The following ACSS1 variants were observed in gnomAD, a reference collection of about 807,000 sequenced individuals.
The protein encoded by ACSS1 is acetyl-coenzyme A synthetase 2-like, mitochondrial.
Under a neutral mutation model 75.3 loss-of-function variants are expected in ACSS1, and 42 were observed. The ratio of observed to expected loss-of-function variants is 0.56; its 90% confidence interval spans 0.44 to 0.72. The LOEUF is 0.72. Among genes scored for constraint, ACSS1 ranks in the 30% least tolerant of loss-of-function variants. The pLI, the probability that ACSS1 is intolerant of heterozygous loss-of-function variation, is 0.00. For synonymous variants in ACSS1, 380 were observed against 376.8 expected, an observed-to-expected ratio of 1.01 and a Z score of -0.10; for missense variants, 782 against 935.7, an observed-to-expected ratio of 0.84 and a Z score of 2.14.
At chr20:25,038,867 T>C (rs1329219711) in intron 2 of ACSS1, among the ~76,000 whole-genome samples, 2 of 152,190 alleles carry the variant, frequency 1.3e-5, no homozygotes, top group Non-Finnish European at 2.9e-5. Flanking sequence ...CATGTCGTCC[T>C]GTCACTGCCC....
At chr20:25,011,965 GA>G (rs1407803236) in intron 12 of ACSS1, 2 of 155,760 alleles carry the variant, frequency 1.3e-5, no homozygotes, top group Non-Finnish European at 2.9e-5. Context: ...TGCCTGGATG[GA>G]CCTGGCATTG....
intron 1 of ACSS1, among the ~76,000 whole-genome samples, chr20:25,054,337 A>G (rs552587049): frequency 6.6e-6 from 1 of 152,370 alleles, no homozygotes; most frequent in Non-Finnish European, 1.5e-5. Flanking sequence ...ACAAGGTCAC[A>G]GCCTCCCCAC....
chr20:25,031,145 A>G (rs1268559366), intron 2 of ACSS1, 187 bp from the exon 3 acceptor site: 2 of 706,530 alleles, frequency 2.8e-6, no homozygotes, highest in East Asian at 2.7e-5. Flanking sequence ...TAACATTTGT[A>G]GATTGCTATT....
intron 6 of ACSS1, 53 bp downstream of exon 6, chr20:25,021,336 G>A (rs760870246): frequency 2.3e-5 from 36 of 1,592,508 alleles, no homozygotes; most frequent in Non-Finnish European, 3.0e-5. Flanking sequence ...CGAGCCTCAG[G>A]CTCTCTCCCC....
chr20:25,025,787 G>A (rs781758576), intron 3 of ACSS1, among the ~76,000 whole-genome samples: 10 of 152,266 alleles, frequency 6.6e-5, no homozygotes, highest in South Asian at 2.1e-4. Flanking sequence ...CAGCAACGGC[G>A]GGTAAAGTTG....
intron 2 of ACSS1, among the ~76,000 whole-genome samples, chr20:25,041,108 A>C (rs2088994748): frequency 6.6e-6 from 1 of 152,040 alleles, no homozygotes; most frequent in Non-Finnish European, 1.5e-5. Flanking sequence ...AATACAAAAA[A>C]TTAGCCGGGC....
chr20:25,053,816 TG>T (rs1183691162), intron 1 of ACSS1, among the ~76,000 whole-genome samples: 2 of 152,250 alleles, frequency 1.3e-5, no homozygotes, highest in African/African-American at 4.8e-5. Context: ...TTTACACTCT[TG>T]CTTAAGAGTA....
chr20:25,020,863 A>G (rs2088611870), intron 6 of ACSS1, among the ~76,000 whole-genome samples: 1 of 152,266 alleles, frequency 6.6e-6, no homozygotes, highest in Non-Finnish European at 1.5e-5. Flanking sequence ...TACATTAAAG[A>G]AAATATTTGA....
intron 6 of ACSS1, among the ~76,000 whole-genome samples, chr20:25,021,181 C>T (rs1377473572): frequency 6.6e-6 from 1 of 152,234 alleles, no homozygotes; most frequent in Non-Finnish European, 1.5e-5. Flanking sequence ...CCTCCAGCAC[C>T]AAGTCAGACT....
Position 25,007,525 on chromosome 20 carries a change from T to C in ACSS1, c.*237A>G, listed in dbSNP as rs970458950. The C allele has an allele frequency of 2.3e-6, 3 of 1,328,570 alleles. No individual in the cohort carries two copies. Among genetic ancestry groups the C allele is most frequent in the Non-Finnish European group, 2.9e-6 (3 of 1,039,964 alleles). The allele number at this position is 1,328,570 out of a possible 1,614,324, so 82.3% of individuals were successfully genotyped here. A position where few individuals can be genotyped will look rare whatever the true frequency, so the allele number is the denominator to read the frequency against. On this transcript the variant is annotated 3_prime_UTR_variant, in exon 14 of 14. Transcript: ENST00000323482. ...TTCATTCCAGGAAACCAAACTCAGA[T>C]GGCAGAACCAGCCCTAGCCATGTCG...
rs41308619 is a variant in ACSS1, at chr20:25,023,069, A to C, written c.831T>G (p.Val277=). Residue 277 remains valine, a synonymous_variant, in exon 5 of 14, where the codon GTT becomes GTG. Transcript: ENST00000323482. ...CACTGCCCATGCTCTCTGGGGCGCAAACAGGGTCCTCCTTGGCCATTTCCT... is the reference window on the plus strand; with the variant it reads ...CACTGCCCATGCTCTCTGGGGCGCACACAGGGTCCTCCTTGGCCATTTCCT... ...LEQEMAKEDP[V]CAPESMGSED... is the part of the protein sequence containing the mutation. The C allele has an allele frequency of 0.024, 39,025 of 1,613,444 alleles. 728 individuals are homozygous for C. The highest frequency in any genetic ancestry group is 0.088 in the African/African-American group (6,589 of 75,042).
Position 25,007,180 on chromosome 20 carries a change from A to G in ACSS1, c.*582T>C, listed in dbSNP as rs2088323608. ...ATCTCCAATTCAGACTTCCAAATACACTAACAATAATTAAAAATGTGGCCT... is the reference window on the plus strand; with the variant it reads ...ATCTCCAATTCAGACTTCCAAATACGCTAACAATAATTAAAAATGTGGCCT... On this transcript the variant is annotated 3_prime_UTR_variant, in exon 14 of 14. Coordinates refer to ENST00000323482, the MANE Select transcript of ACSS1 (RefSeq NM_032501.4). 11 of 1,266,070 alleles carry G rather than the reference A, an allele frequency of 8.7e-6. No individual in the cohort carries two copies. The highest frequency in any genetic ancestry group is 1.1e-5 in the Non-Finnish European group (11 of 1,003,282). The allele number at this position is 1,266,070 out of a possible 1,614,324, so 78.4% of individuals were successfully genotyped here. A position where few individuals can be genotyped will look rare whatever the true frequency, so the allele number is the denominator to read the frequency against.
intron 1 of ACSS1, among the ~76,000 whole-genome samples, chr20:25,050,028 C>T (rs751436757): frequency 2.6e-5 from 4 of 151,944 alleles, no homozygotes; most frequent in African/African-American, 7.3e-5. Flanking sequence ...TTCAGGCAGG[C>T]GACAGGAACA....
At position 25,006,998 on chromosome 20, in the gene ACSS1, T is replaced by C; in HGVS notation, c.*764A>G. On this transcript the variant is annotated 3_prime_UTR_variant, in exon 14 of 14. Transcript: ENST00000323482. ...GATCACAGCTTGAAGAAACAGAACATAACTGGAGTAGCTTCAGAACTAAGG... is the reference window on the plus strand; with the variant it reads ...GATCACAGCTTGAAGAAACAGAACACAACTGGAGTAGCTTCAGAACTAAGG... 3 of 1,532,712 alleles carry C rather than the reference T, an allele frequency of 2.0e-6. No homozygotes were observed. The highest frequency in any genetic ancestry group is 1.2e-5 in the South Asian group (1 of 83,704). The allele number at this position is 1,532,712 out of a possible 1,614,324, so 94.9% of individuals were successfully genotyped here.
intron 7 of ACSS1, among the ~76,000 whole-genome samples, chr20:25,019,740 A>C (rs377611271): frequency 5.9e-5 from 9 of 152,238 alleles, no homozygotes; most frequent in African/African-American, 2.2e-4. Flanking sequence ...ATTCCTAATG[A>C]AGATTAAGCT....
intron 2 of ACSS1, among the ~76,000 whole-genome samples, chr20:25,039,998 G>A (rs1311158207): frequency 1.3e-5 from 2 of 152,382 alleles, no homozygotes; most frequent in Admixed American, 6.5e-5. Flanking sequence ...CCAGCCCCGA[G>A]AACAGCTGGT....
Position 25,022,981 on chromosome 20 carries a change from T to A in ACSS1, c.919A>T (p.Thr307Ser). 6.2e-7 allele frequency: 1 copy of A among 1,613,948 alleles called. No individual in the cohort carries two copies. Among genetic ancestry groups the A allele is most frequent in the Middle Eastern group, 1.7e-4 (1 of 6,056 alleles). The change falls in exon 5 of 14, where the codon ACC becomes TCC. Residue 307 changes from threonine to serine, a missense_variant. Physicochemically the swap from Thr to Ser is moderately conservative, Grantham distance 58 (BLOSUM62 1). Around this residue, in one of 2 missense-constraint regions of ACSS1, gnomAD observed 405 missense variants for 552.6 expected, o/e 0.73. Transcript: ENST00000323482. ...STGMPKGIVH[T>S]QAGYLLYAAL... The stretch of plus-strand genomic sequence containing the variant: ...GCATAGAGCAGGTAGCCTGCCTGGG[T>A]ATGGACGATGCCCTTGGGCATTCCG...
chr20:25,022,845 C>T, intron 5 of ACSS1, 95 bp downstream of exon 5: 2 of 1,436,246 alleles, frequency 1.4e-6, no homozygotes, highest in Non-Finnish European at 1.8e-6. Flanking sequence ...TGACCTCTCA[C>T]ACCTACAGGC....
At position 25,023,049 on chromosome 20, in the gene ACSS1, C is replaced by T; in HGVS notation, c.851G>A (p.Gly284Asp). 2.5e-6 allele frequency: 4 copies of T among 1,614,024 alleles called. No individual in the cohort carries two copies. Among genetic ancestry groups the T allele is most frequent in the Non-Finnish European group, 3.4e-6 (4 of 1,179,980 alleles). Residue 284 changes from glycine to aspartate, a missense_variant, in exon 5 of 14, where the codon GGC (glycine) becomes GAC (aspartate). Coordinates refer to ENST00000323482, the MANE Select transcript of ACSS1 (RefSeq NM_032501.4). The part of the protein sequence containing the change: ...EDPVCAPESM[G>D]SEDMLFMLYT... Reference sequence around the variant, plus strand: ...CAGCATGAAGAGCATGTCCTCACTGCCCATGCTCTCTGGGGCGCAAACAGG... The same window carrying T: ...CAGCATGAAGAGCATGTCCTCACTGTCCATGCTCTCTGGGGCGCAAACAGG...
Sources: gnomAD v4.1 joint callset for allele counts (sites outside exome capture counted in the v4.1 genomes callset) on GRCh38, gnomAD v4.1.1 for gene constraint, gnomAD v4.1.1 regional missense constraint, MANE v1.5 for transcripts, NCBI Gene and HGNC (gene_info 2026-07-23, HGNC 2026-07-21) for gene names.